CCDC18: variants seen among roughly 807,000 people sequenced by gnomAD.
The protein encoded by CCDC18 is coiled-coil domain-containing protein 18.
Under a neutral mutation model 196.0 loss-of-function variants are expected in CCDC18, and 157 were observed. The observed-to-expected ratio is 0.80, with a 90% CI of 0.70 to 0.91. The LOEUF (loss-of-function observed/expected upper bound fraction) is 0.91. Ranked by LOEUF, CCDC18 falls within the 40% of genes least tolerant of loss-of-function variation. The pLI, the probability that CCDC18 is intolerant of heterozygous loss-of-function variation, is 0.00. For missense variants in CCDC18, 1,465 were observed against 1,611.6 expected (o/e 0.91, Z 1.56); for synonymous variants, 482 against 529.2 (o/e 0.91, Z 1.22).
intron 4 of CCDC18, 49 bp downstream of exon 4, chr1:93,186,552 A>G: frequency 6.8e-7 from 1 of 1,478,186 alleles, no homozygotes; most frequent in Non-Finnish European, 9.2e-7. Context: ...TGTTATTTTA[A>G]GATTTATAAT....
intron 28 of CCDC18, among the ~76,000 whole-genome samples, chr1:93,272,837 A>G (rs908648880): frequency 5.9e-5 from 9 of 152,330 alleles, no homozygotes; most frequent in African/African-American, 2.2e-4. Flanking sequence ...TTGGATATTG[A>G]TAGGAATGAT....
At position 93,216,693 on chromosome 1, in the gene CCDC18, G is replaced by C; in HGVS notation, c.1777G>C (p.Val593Leu). The C allele has an allele frequency of 6.3e-7, 1 of 1,588,934 alleles. No individual in the cohort carries two copies. The highest frequency in any genetic ancestry group is 8.5e-7 in the Non-Finnish European group (1 of 1,170,180). ...TGAGAAACAGCTGGAAGAAAAGATA[G>C]TTGCTTATTCCTCTATTGCTGCAAA... ...TLEKQLEEKI[V>L]AYSSIAAKNA... Residue 593 changes from valine (V) to leucine (L), a missense_variant, in exon 13 of 29, where the codon GTT (valine) becomes CTT (leucine). Val to Leu is a conservative substitution (Grantham distance 32). Coordinates refer to ENST00000690025, the MANE Select transcript of CCDC18 (RefSeq NM_001378204.1).
intron 7 of CCDC18, among the ~76,000 whole-genome samples, chr1:93,202,861 G>GA (rs1486942421): frequency 5.9e-5 from 9 of 152,128 alleles, no homozygotes; most frequent in African/African-American, 1.9e-4. Context: ...GTATAATATA[G>GA]AAATAAGAGG....
chr1:93,270,607 A>G lies in CCDC18; in HGVS notation c.4146A>G (p.Gln1382=). 6.4e-7 allele frequency: 1 copy of G among 1,550,456 alleles called. No homozygotes were observed. Among genetic ancestry groups the G allele is most frequent in the Middle Eastern group, 1.7e-4 (1 of 5,988 alleles). ...EELLQDLKKM[Q]LEQPSTLEES... is the part of the protein sequence containing the mutation. ...TACTACAGGACTTAAAGAAAATGCAATTAGAACAGCCTTCAACATTAGAAG... is the reference window on the plus strand; with the variant it reads ...TACTACAGGACTTAAAGAAAATGCAGTTAGAACAGCCTTCAACATTAGAAG... The change falls in exon 28 of 29, where the codon CAA becomes CAG. Residue 1382 remains glutamine (Q), a synonymous_variant. Coordinates refer to ENST00000690025, the MANE Select transcript of CCDC18 (RefSeq NM_001378204.1).
chr1:93,221,971 C>CA, intron 16 of CCDC18, 35 bp downstream of exon 16: 6 of 1,144,354 alleles, frequency 5.2e-6, no homozygotes, highest in Non-Finnish European at 4.9e-6. Flanking sequence ...TCTTTCTTTC[C>CA]TTTTTTTTTT....
intron 4 of CCDC18, among the ~76,000 whole-genome samples, chr1:93,191,417 C>A (rs1651780105): frequency 6.6e-6 from 1 of 152,128 alleles, no homozygotes; most frequent in African/African-American, 2.4e-5. Flanking sequence ...TTCATTGGGT[C>A]CTCACTTCTG....
chr1:93,216,824 T>C (rs1003389391), intron 13 of CCDC18, 78 bp downstream of exon 13: 10 of 671,616 alleles, frequency 1.5e-5, no homozygotes, highest in East Asian at 2.9e-5. Flanking sequence ...TGTTTTAGCA[T>C]CATTATTATA....
At chr1:93,204,904 G>A (rs1654475935) in intron 7 of CCDC18, among the ~76,000 whole-genome samples, 1 of 152,120 alleles carries the variant, frequency 6.6e-6, no homozygotes, top group Non-Finnish European at 1.5e-5. Flanking sequence ...TCAGTAAGGG[G>A]AGGTAGAAGA....
intron 28 of CCDC18, among the ~76,000 whole-genome samples, chr1:93,276,423 T>C (rs889544667): frequency 2.6e-5 from 4 of 152,186 alleles, no homozygotes; most frequent in Non-Finnish European, 5.9e-5. Flanking sequence ...ATTAGAGCAG[T>C]GGAAGTGTTG....
chr1:93,242,893 G>A (rs1318075509), intron 21 of CCDC18, among the ~76,000 whole-genome samples: 1 of 152,216 alleles, frequency 6.6e-6, no homozygotes, highest in Non-Finnish European at 1.5e-5. Flanking sequence ...CAAGAGGTGG[G>A]TTTCCTTGGT....
At chr1:93,242,172 T>C (rs1218139485) in intron 21 of CCDC18, among the ~76,000 whole-genome samples, 3 of 152,066 alleles carry the variant, frequency 2.0e-5, no homozygotes, top group Non-Finnish European at 4.4e-5. Flanking sequence ...ATAAACAAAA[T>C]ATAGTGTCTT....
At chr1:93,211,534 G>GAT (rs1655651026) in intron 10 of CCDC18, among the ~76,000 whole-genome samples, 2 of 151,980 alleles carry the variant, frequency 1.3e-5, no homozygotes, top group Admixed American at 6.6e-5. Flanking sequence ...TCATGAATTG[G>GAT]ATATATATTT....
At chr1:93,188,027 G>A (rs983684838) in intron 4 of CCDC18, among the ~76,000 whole-genome samples, 5 of 152,150 alleles carry the variant, frequency 3.3e-5, no homozygotes, top group Admixed American at 2.6e-4. Flanking sequence ...GAGACATAAA[G>A]ATAATTTAAT....
upstream of CCDC18, chr1:93,180,235 T>G (rs1649289620): frequency 6.2e-7 from 1 of 1,610,848 alleles, no homozygotes; most frequent in Non-Finnish European, 8.5e-7. Context: ...CCAGATCTTG[T>G]CGCCCATCCC....
In CCDC18 at chr1:93,205,596, T is replaced by TA; in HGVS notation, c.886dup (p.Ser296LysfsTer2). On this transcript the variant is annotated frameshift_variant, in exon 8 of 29. Transcript: ENST00000690025. LOFTEE classifies it high-confidence loss of function. Reference sequence around the variant, plus strand: ...GGCTACAAGAAAGGTGTGGTCTATATAAAAGTGAACTTGAAATTCTGAAAG... The same window carrying TA: ...GGCTACAAGAAAGGTGTGGTCTATATAAAAAGTGAACTTGAAATTCTGAAAG... The TA allele has an allele frequency of 3.8e-6, 6 of 1,596,454 alleles. No individual in the cohort carries two copies. Among genetic ancestry groups the TA allele is most frequent in the Non-Finnish European group, 5.1e-6 (6 of 1,171,906 alleles).
At position 93,236,390 on chromosome 1, in the gene CCDC18, G is replaced by A. The variant is rs1421359727; in HGVS notation, c.2603G>A (p.Arg868Lys). 6.3e-7 allele frequency: 1 copy of A among 1,585,758 alleles called. No homozygotes were observed. The highest frequency in any genetic ancestry group is 1.2e-5 in the South Asian group (1 of 86,254). The change falls in exon 19 of 29, where the codon AGG (arginine) becomes AAG (lysine). Residue 868 changes from arginine (R) to lysine (K), a missense_variant and splice_region_variant. Coordinates refer to ENST00000690025, the MANE Select transcript of CCDC18 (RefSeq NM_001378204.1). ...GTGATTGAGCTTACTGGCACTGCCA[G>A]GTAAAATGTGAATATGTTTTATTTA... is the stretch of plus-strand genomic sequence containing the variant. ...QKVIELTGTA[R>K]QVKIEMDQYK...
intron 7 of CCDC18, among the ~76,000 whole-genome samples, chr1:93,204,716 A>T (rs541547319): frequency 6.6e-6 from 1 of 152,234 alleles, no homozygotes; most frequent in East Asian, 1.9e-4. Context: ...GCAGTGTAAA[A>T]TATTAAGGTC....
At chr1:93,244,729 T>C (rs914570568) in intron 21 of CCDC18, among the ~76,000 whole-genome samples, 2 of 152,182 alleles carry the variant, frequency 1.3e-5, no homozygotes, top group Admixed American at 1.3e-4. Context: ...TTATATGAAT[T>C]TTACCACAGT....
chr1:93,241,683 T>C (rs1660806573), intron 21 of CCDC18, among the ~76,000 whole-genome samples: 1 of 128,564 alleles, frequency 7.8e-6, no homozygotes, highest in African/African-American at 3.1e-5. Context: ...GAATGAGCCA[T>C]GATCCATTCC....
Sources: allele counts gnomAD v4.1 joint callset (sites outside exome capture counted in the v4.1 genomes callset), GRCh38; gene constraint gnomAD v4.1.1; transcripts MANE v1.5; gene names NCBI Gene and HGNC (gene_info 2026-07-23, HGNC 2026-07-21).